ZNRF1: variants seen among roughly 807,000 people sequenced by gnomAD.
The protein encoded by ZNRF1 is zinc and ring finger 1.
In ZNRF1, 3 loss-of-function variants were observed where a neutral mutation model predicts 18.4. The ratio of observed to expected loss-of-function variants is 0.16; its 90% confidence interval spans 0.07 to 0.42. ZNRF1 has a LOEUF of 0.42. ZNRF1 is among the 10% of genes least tolerant of loss of function. The pLI is 0.99. For synonymous variants in ZNRF1, 157 were observed against 144.2 expected (o/e 1.09, Z -0.64); for missense variants, 310 against 329.8 (o/e 0.94, Z 0.47).
Position 75,107,920 on chromosome 16 carries a change from C to A in ZNRF1, c.*220C>A. On this transcript the variant is annotated 3_prime_UTR_variant, in exon 5 of 5. Coordinates refer to ENST00000335325, the MANE Select transcript of ZNRF1 (RefSeq NM_032268.5). ...GAAGAATGAATCAACTGCTATCCTT[C>A]CCCTCACCCCTCAGCCCAGGAGGGA... The A allele has an allele frequency of 2.5e-6, 1 of 405,400 alleles. No homozygotes were observed. The highest frequency in any genetic ancestry group is 5.1e-6 in the Non-Finnish European group (1 of 197,304). The allele number at this position is 405,400 out of a possible 1,614,324, so 25.1% of individuals were successfully genotyped here.
intron 1 of ZNRF1, among the ~76,000 whole-genome samples, chr16:75,054,728 C>G (rs1204406358): frequency 6.6e-6 from 1 of 152,248 alleles, no homozygotes; most frequent in Non-Finnish European, 1.5e-5. Context: ...CTTGATTTCT[C>G]CCCTGATACT....
At chr16:75,076,439 C>T (rs1337712129) in intron 1 of ZNRF1, among the ~76,000 whole-genome samples, 1 of 152,022 alleles carries the variant, frequency 6.6e-6, no homozygotes, top group African/African-American at 2.4e-5. Context: ...AGCTCTGTGG[C>T]CTCCTCTTTT....
chr16:75,023,515 C>G (rs2035181220), intron 1 of ZNRF1, among the ~76,000 whole-genome samples: 1 of 152,104 alleles, frequency 6.6e-6, no homozygotes, highest in African/African-American at 2.4e-5. Context: ...CAAACCCCGT[C>G]TCTACTAAAA....
intron 1 of ZNRF1, among the ~76,000 whole-genome samples, chr16:75,004,432 C>G (rs530550912): frequency 6.6e-6 from 1 of 152,192 alleles, no homozygotes; most frequent in Admixed American, 6.5e-5. Context: ...CACCATCCAC[C>G]ATGTTGAAAG....
chr16:75,095,919 C>T (rs2036192494), intron 2 of ZNRF1, among the ~76,000 whole-genome samples: 1 of 152,184 alleles, frequency 6.6e-6, no homozygotes, highest in Admixed American at 6.5e-5. Context: ...GGAGCCGGGC[C>T]CCCCTTAGAG....
intron 1 of ZNRF1, among the ~76,000 whole-genome samples, chr16:75,019,728 G>GT (rs1197595248): frequency 6.6e-6 from 1 of 151,600 alleles, no homozygotes; most frequent in Non-Finnish European, 1.5e-5. Context: ...GTTTTGTTTT[G>GT]TTTGTTTGTT....
At chr16:75,031,730 G>C (rs571977211) in intron 1 of ZNRF1, among the ~76,000 whole-genome samples, 7 of 152,004 alleles carry the variant, frequency 4.6e-5, no homozygotes, top group Non-Finnish European at 1.0e-4. Flanking sequence ...TCGAACTCCT[G>C]AACTCAAGCA....
At chr16:75,000,241 G>A in intron 1 of ZNRF1, 146 bp downstream of exon 1, 1 of 1,144,706 alleles carries the variant, frequency 8.7e-7, no homozygotes, top group Non-Finnish European at 1.3e-6. Context: ...GGATAAATGG[G>A]ATACCTACCG....
intron 1 of ZNRF1, among the ~76,000 whole-genome samples, chr16:75,004,059 C>T (rs2034887822): frequency 6.6e-6 from 1 of 151,792 alleles, no homozygotes; most frequent in African/African-American, 2.4e-5. Context: ...CTCCTGGGCT[C>T]AGTTGATCCT....
At chr16:75,072,841 C>T (rs918855296) in intron 1 of ZNRF1, among the ~76,000 whole-genome samples, 2 of 152,174 alleles carry the variant, frequency 1.3e-5, no homozygotes, top group African/African-American at 4.8e-5. Context: ...CCCAGGCCCT[C>T]ACTGTGAGGG....
rs2036345228 is a variant in ZNRF1, at chr16:75,108,656, C to T, written c.*956C>T. 2.5e-6 allele frequency: 1 copy of T among 398,772 alleles called. No homozygotes were observed. Among genetic ancestry groups the T allele is most frequent in the Non-Finnish European group, 4.4e-6 (1 of 225,962 alleles). 24.7% of individuals were successfully genotyped at this position (398,772 alleles called of 1,614,324 possible). On this transcript the variant is annotated 3_prime_UTR_variant, in exon 5 of 5. Transcript: ENST00000335325. ...AAATGTTCAAAGCTTGGGAGAAAAG[C>T]TTTCTTCATTAGTCAAGGTGTTTTG...
At chr16:75,073,829 G>A (rs575257773) in intron 1 of ZNRF1, among the ~76,000 whole-genome samples, 1 of 151,946 alleles carries the variant, frequency 6.6e-6, no homozygotes, top group Non-Finnish European at 1.5e-5. Context: ...TGAGGATTTC[G>A]CTAGGAAATA....
Position 74,999,536 on chromosome 16 carries a change from T to C in ZNRF1, c.-136T>C, listed in dbSNP as rs1043114826. ...GGGTTTTTTCCTTTTTTCCTTTTGC[T>C]TTTTTTCCTTTTCTCCCTCCGGGTC... On this transcript the variant is annotated 5_prime_UTR_variant, in exon 1 of 5. Coordinates refer to ENST00000335325, the MANE Select transcript of ZNRF1 (RefSeq NM_032268.5). 8 of 643,654 alleles carry C rather than the reference T, an allele frequency of 1.2e-5. No homozygotes were observed. The highest frequency in any genetic ancestry group is 1.8e-5 in the Non-Finnish European group (8 of 446,312). 39.9% of individuals were successfully genotyped at this position (643,654 alleles called of 1,614,324 possible).
chr16:75,102,304 C>T (rs946489570), intron 2 of ZNRF1, among the ~76,000 whole-genome samples: 2 of 152,194 alleles, frequency 1.3e-5, no homozygotes, highest in Non-Finnish European at 2.9e-5. Flanking sequence ...AACCCACAAG[C>T]CCACTCATGA....
chr16:75,066,046 G>C (rs1351662355), intron 1 of ZNRF1, among the ~76,000 whole-genome samples: 1 of 152,208 alleles, frequency 6.6e-6, no homozygotes, highest in Admixed American at 6.5e-5. Context: ...CACAGGGTCA[G>C]AAGGCATCTT....
intron 1 of ZNRF1, among the ~76,000 whole-genome samples, chr16:75,024,796 C>A (rs556652023): frequency 2.6e-5 from 4 of 152,288 alleles, no homozygotes; most frequent in African/African-American, 7.2e-5. Flanking sequence ...TTTTAAGAAA[C>A]AAAAGTTCTT....
In ZNRF1 at chr16:75,106,486, A is replaced by T. The variant is rs1056973119; in HGVS notation, c.631A>T (p.Ile211Leu). ...CTTGCGGCCCCCTCCTCCCAGCTGC[A>T]TAGACTCGTGGTTTGAAGTGAACAG... ...PCLCIYHKSC[I>L]DSWFEVNRSC... is the part of the protein sequence containing the mutation. The change falls in exon 4 of 5, where the codon ATA (isoleucine) becomes TTA (leucine). Residue 211 changes from isoleucine (I) to leucine (L), a missense_variant. Ile to Leu is a conservative substitution (Grantham distance 5, BLOSUM62 2). Coordinates refer to ENST00000335325, the MANE Select transcript of ZNRF1 (RefSeq NM_032268.5). The T allele has an allele frequency of 3.7e-6, 6 of 1,614,024 alleles. No individual in the cohort carries two copies. The African/African-American group carries it at 8.0e-5, about 22-fold the overall frequency.
intron 2 of ZNRF1, among the ~76,000 whole-genome samples, chr16:75,103,058 G>C (rs561816837): frequency 1.6e-4 from 25 of 152,244 alleles, no homozygotes; most frequent in Admixed American, 7.8e-4. Flanking sequence ...CCTCAGCCCT[G>C]GGCCTGCGCG....
At chr16:75,003,567 G>A (rs1330690233) in intron 1 of ZNRF1, among the ~76,000 whole-genome samples, 1 of 152,218 alleles carries the variant, frequency 6.6e-6, no homozygotes, top group African/African-American at 2.4e-5. Flanking sequence ...TGGTTAGTAG[G>A]TGGTGGAGAT....
Sources: gnomAD v4.1 joint callset for allele counts (sites outside exome capture counted in the v4.1 genomes callset) on GRCh38, gnomAD v4.1.1 for gene constraint, MANE v1.5 for transcripts, NCBI Gene and HGNC (gene_info 2026-07-23, HGNC 2026-07-21) for gene names.